The following PRKCB variants were observed in gnomAD, a reference collection of about 807,000 sequenced individuals.
PRKCB encodes protein kinase C beta, also known as protein kinase C beta type.
A neutral mutation model predicts 81.5 loss-of-function variants in PRKCB; 13 were observed. The ratio of observed to expected loss-of-function variants is 0.16; its 90% CI spans 0.10 to 0.25. The LOEUF is 0.25. Among genes scored for constraint, PRKCB ranks in the 10% least tolerant of loss-of-function variants. The pLI is 1.00. For synonymous variants in PRKCB, 335 were observed against 321.4 expected, an observed-to-expected ratio of 1.04 and a Z score of -0.45; for missense variants, 509 against 875.7, an observed-to-expected ratio of 0.58 and a Z score of 5.29.
At chr16:23,886,834 A>G (rs1963211558) in intron 2 of PRKCB, among the ~76,000 whole-genome samples, 1 of 152,108 alleles carries the variant, frequency 6.6e-6, no homozygotes, top group Admixed American at 6.6e-5. Flanking sequence ...TGCCTGTAGC[A>G]GCCACAGACC....
intron 12 of PRKCB, among the ~76,000 whole-genome samples, chr16:24,179,859 C>G (rs1180597686): frequency 2.0e-5 from 3 of 152,176 alleles, no homozygotes; most frequent in Non-Finnish European, 4.4e-5. Context: ...GAAATTTAAT[C>G]TGAAGAACAG....
rs879768533 is a variant in PRKCB at position 24,065,061 on chromosome 16, A to G, written c.530-27730A>G. Among the ~76,000 whole-genome samples, 54 of 147,746 alleles carry G rather than the reference A, an allele frequency of 3.7e-4. 1 individual carries two copies. The highest frequency in any genetic ancestry group is 7.4e-4 in the African/African-American group (30 of 40,696). ...TATATCTATATATAAAATAATATAA[A>G]TATATATATATTTTTCCCCCTTTTC... On this transcript the variant is annotated intron_variant, in intron 5 of 16. Transcript: ENST00000643927.
At chr16:23,948,075 T>C (rs1429088310) in intron 2 of PRKCB, among the ~76,000 whole-genome samples, 1 of 152,034 alleles carries the variant, frequency 6.6e-6, no homozygotes, top group African/African-American at 2.4e-5. Context: ...GCAGACACTG[T>C]GTTTGATCTG....
Position 23,936,064 on chromosome 16 carries a change from C to T in PRKCB, c.206-52444C>T, listed in dbSNP as rs377758934. Among the ~76,000 whole-genome samples the T allele has an allele frequency of 3.9e-5, 6 of 152,242 alleles. No homozygotes were observed. The South Asian group carries it at 6.2e-4, about 16-fold the overall frequency. Reference sequence around the variant, plus strand: ...TAAAATCCACACAGTTTTAAAGTCTCTTATTCTCTTCTGTTCTCCATCCAC... The same window carrying T: ...TAAAATCCACACAGTTTTAAAGTCTTTTATTCTCTTCTGTTCTCCATCCAC... On this transcript the variant is annotated intron_variant, in intron 2 of 16. Transcript: ENST00000643927.
intron 5 of PRKCB, among the ~76,000 whole-genome samples, chr16:24,055,064 C>T (rs930255945): frequency 2.0e-5 from 3 of 152,212 alleles, no homozygotes; most frequent in Non-Finnish European, 2.9e-5. Context: ...CTGGGGGTCC[C>T]GTTCAGTATG....
chr16:24,063,381 G>C (rs564644419), intron 5 of PRKCB, among the ~76,000 whole-genome samples: 2 of 150,500 alleles, frequency 1.3e-5, no homozygotes, highest in Admixed American at 1.3e-4. Flanking sequence ...TACAACCTCC[G>C]CCTCCTGAGT....
At chr16:23,880,181 G>A (rs1963083343) in intron 2 of PRKCB, among the ~76,000 whole-genome samples, 1 of 152,128 alleles carries the variant, frequency 6.6e-6, no homozygotes, top group African/African-American at 2.4e-5. Flanking sequence ...TTTCCATTCT[G>A]CTGCAGGAGA....
intron 2 of PRKCB, among the ~76,000 whole-genome samples, chr16:23,953,900 T>TTC (rs35500383): frequency 1.3e-5 from 2 of 150,804 alleles, no homozygotes; most frequent in Non-Finnish European, 3.0e-5. Flanking sequence ...TTTTTTTTTT[T>TTC]CTGTGTCACC....
intron 2 of PRKCB, among the ~76,000 whole-genome samples, chr16:23,988,131 A>G (rs1329893930): frequency 6.6e-6 from 1 of 152,220 alleles, no homozygotes; most frequent in Non-Finnish European, 1.5e-5. Context: ...CATATTTCTT[A>G]TGCATTATGC....
At chr16:23,882,153 C>G (rs1015545922) in intron 2 of PRKCB, among the ~76,000 whole-genome samples, 1 of 148,864 alleles carries the variant, frequency 6.7e-6, no homozygotes, top group African/African-American at 2.5e-5. Flanking sequence ...AATCACAGCT[C>G]ATGGCAGCCT....
At chr16:24,126,910 C>T (rs779995807) in intron 9 of PRKCB, among the ~76,000 whole-genome samples, 12 of 151,744 alleles carry the variant, frequency 7.9e-5, no homozygotes, top group Non-Finnish European at 1.6e-4. Flanking sequence ...TAAGCTCAAG[C>T]AATCATCCTG....
At chr16:23,975,659 A>G (rs1964615875) in intron 2 of PRKCB, among the ~76,000 whole-genome samples, 1 of 152,184 alleles carries the variant, frequency 6.6e-6, no homozygotes, top group Non-Finnish European at 1.5e-5. Context: ...TAAGGGAAGG[A>G]TGAAACTCTG....
intron 2 of PRKCB, among the ~76,000 whole-genome samples, chr16:23,841,777 T>A (rs1962269746): frequency 6.7e-6 from 1 of 149,600 alleles, no homozygotes; most frequent in Non-Finnish European, 1.5e-5. Flanking sequence ...TGCCTCAGCC[T>A]CTTGAGTAGC....
intron 9 of PRKCB, among the ~76,000 whole-genome samples, chr16:24,141,266 G>A (rs796757923): frequency 1.6e-4 from 25 of 151,974 alleles, no homozygotes; most frequent in African/African-American, 5.8e-4. Context: ...GAGATCTCGG[G>A]TCACTGCAAC....
chr16:23,847,649 G>C (rs1465255492), intron 2 of PRKCB, among the ~76,000 whole-genome samples: 1 of 152,124 alleles, frequency 6.6e-6, no homozygotes, highest in African/African-American at 2.4e-5. Flanking sequence ...ATCAGGTACT[G>C]TTCTAGGCAT....
At chr16:24,202,708 C>A (rs928071909) in intron 16 of PRKCB, among the ~76,000 whole-genome samples, 1 of 152,186 alleles carries the variant, frequency 6.6e-6, no homozygotes. Flanking sequence ...TGTACAATTT[C>A]TGTATCTTGC....
At chr16:23,981,339 C>T (rs1303395733) in intron 2 of PRKCB, among the ~76,000 whole-genome samples, 1 of 152,010 alleles carries the variant, frequency 6.6e-6, no homozygotes, top group Non-Finnish European at 1.5e-5. Flanking sequence ...TCCCTCCCTC[C>T]TATAAGGACC....
chr16:24,164,910 A>G (rs1967319584), intron 10 of PRKCB, among the ~76,000 whole-genome samples: 2 of 152,344 alleles, frequency 1.3e-5, no homozygotes, highest in South Asian at 4.1e-4. Context: ...GGCAAATTTA[A>G]GGGTGCTATG....
chr16:24,107,547 G>C (rs1438237926), intron 7 of PRKCB, among the ~76,000 whole-genome samples: 1 of 152,180 alleles, frequency 6.6e-6, no homozygotes, highest in Non-Finnish European at 1.5e-5. Flanking sequence ...GCCAGATGGA[G>C]AGCCCATCTT....
Sources: gnomAD v4.1 joint callset for allele counts (sites outside exome capture counted in the v4.1 genomes callset) on GRCh38, gnomAD v4.1.1 for gene constraint, MANE v1.5 for transcripts, NCBI Gene and HGNC (gene_info 2026-07-23, HGNC 2026-07-21) for gene names.